DROSHA: variants seen among roughly 807,000 people sequenced by gnomAD.
DROSHA encodes drosha ribonuclease III.
In DROSHA, 56 loss-of-function variants were observed where a neutral mutation model predicts 181.9. The ratio of observed to expected loss-of-function variants is 0.31; its 90% CI spans 0.25 to 0.38. The LOEUF is 0.38. Ranked by LOEUF, DROSHA falls within the 10% of genes least tolerant of loss-of-function variation. The pLI, the probability that DROSHA is intolerant of heterozygous loss-of-function variation, is 1.00. For missense variants in DROSHA, 1,218 were observed against 1,743.5 expected (o/e 0.70, Z 5.37); for synonymous variants, 524 against 591.2 (o/e 0.89, Z 1.65).
chr5:31,403,514 T>C (rs1740294026), intron 35 of DROSHA, among the ~76,000 whole-genome samples: 1 of 152,210 alleles, frequency 6.6e-6, no homozygotes, highest in South Asian at 2.1e-4. Context: ...ATGGGTATAC[T>C]TTTTTTCACT....
At position 31,401,272 on chromosome 5, in the gene DROSHA, G is replaced by C. The variant is rs764335536; in HGVS notation, c.*160C>G. 1 of 1,025,176 alleles carries C rather than the reference G, an allele frequency of 9.8e-7. No homozygotes were observed. The highest frequency in any genetic ancestry group is 1.5e-6 in the Non-Finnish European group (1 of 677,916). The allele number at this position is 1,025,176 out of a possible 1,614,324, so 63.5% of individuals were successfully genotyped here. The stretch of plus-strand genomic sequence containing the variant: ...AATACTTTGTAATAAAGACCATCCA[G>C]CTAAAAACAGATCATTAAAACAACA... On this transcript the variant is annotated 3_prime_UTR_variant, in exon 36 of 36. Coordinates refer to ENST00000344624, the MANE Select transcript of DROSHA (RefSeq NM_001382508.1).
chr5:31,443,754 T>C (rs531726887), intron 23 of DROSHA, among the ~76,000 whole-genome samples: 2 of 152,310 alleles, frequency 1.3e-5, no homozygotes, highest in African/African-American at 4.8e-5. Context: ...AGAAAGATAC[T>C]ACCCAGCCAT....
intron 25 of DROSHA, among the ~76,000 whole-genome samples, chr5:31,432,173 C>A (rs939382492): frequency 6.6e-6 from 1 of 151,802 alleles, no homozygotes; most frequent in Non-Finnish European, 1.5e-5. Context: ...GCTCTGTCGC[C>A]CAGGCTGGAG....
chr5:31,430,948 C>T (rs1406654569), intron 26 of DROSHA, among the ~76,000 whole-genome samples: 1 of 152,112 alleles, frequency 6.6e-6, no homozygotes, highest in Non-Finnish European at 1.5e-5. Flanking sequence ...CATTGTAAAG[C>T]ATACAAACTT....
intron 9 of DROSHA, 106 bp from the exon 10 acceptor site, chr5:31,508,881 T>TG: frequency 1.5e-6 from 2 of 1,300,676 alleles, no homozygotes; most frequent in Non-Finnish European, 2.1e-6. Flanking sequence ...TGGAGTGCAG[T>TG]GCGCGATCTC....
intron 23 of DROSHA, among the ~76,000 whole-genome samples, chr5:31,444,112 G>T (rs1030220): frequency 6.6e-6 from 1 of 152,002 alleles, no homozygotes; most frequent in African/African-American, 2.4e-5. Flanking sequence ...TTACAATGAC[G>T]ATCAGCACAC....
chr5:31,446,316 G>A (rs375560802), intron 23 of DROSHA, among the ~76,000 whole-genome samples: 86 of 151,840 alleles, frequency 5.7e-4, no homozygotes, highest in African/African-American at 1.3e-3. Context: ...GTGTGGTGGC[G>A]GGCGCCTGTA....
At chr5:31,510,985 A>G in intron 9 of DROSHA, 50 bp downstream of exon 9, 1 of 1,587,784 alleles carries the variant, frequency 6.3e-7, no homozygotes, top group Non-Finnish European at 8.6e-7. Context: ...AAATTTAGGA[A>G]TGAAGCTATA....
intron 10 of DROSHA, among the ~76,000 whole-genome samples, chr5:31,506,972 G>A (rs16901235): frequency 0.021 from 3,268 of 152,210 alleles, 54 homozygotes; most frequent in South Asian, 0.099. Flanking sequence ...AGGTATCCAC[G>A]GAAATCAGTG....
At chr5:31,424,185 T>C (rs553497085) in intron 28 of DROSHA, among the ~76,000 whole-genome samples, 1 of 152,248 alleles carries the variant, frequency 6.6e-6, no homozygotes, top group East Asian at 1.9e-4. Context: ...AGCTCTTCCT[T>C]CCTCACTGAG....
intron 10 of DROSHA, 22 bp downstream of exon 10, chr5:31,508,599 G>A (rs1420789559): frequency 6.2e-7 from 1 of 1,613,808 alleles, no homozygotes. Context: ...AACCTTCACA[G>A]CAAGGGCATA....
chr5:31,438,969 A>G (rs1161075343), intron 23 of DROSHA, among the ~76,000 whole-genome samples: 3 of 152,150 alleles, frequency 2.0e-5, no homozygotes, highest in African/African-American at 7.2e-5. Context: ...GAGAAGTGGT[A>G]AGCCATGCCC....
rs772660604 is a variant in DROSHA at position 31,405,714 on chromosome 5, T to C, written c.3957A>G (p.Gln1319=). ...IGCGKGPSIQ[Q]AEMGAAMDAL... The stretch of plus-strand genomic sequence containing the variant: ...CATCCATTGCTGCTCCCATTTCCGC[T>C]TGCTGAATACTATTAAATAAAATAA... Residue 1319 remains glutamine, a synonymous_variant, in exon 35 of 36, where the codon CAA becomes CAG. Coordinates refer to ENST00000344624, the MANE Select transcript of DROSHA (RefSeq NM_001382508.1). 6.4e-7 allele frequency: 1 copy of C among 1,557,252 alleles called. No homozygotes were observed. The highest frequency in any genetic ancestry group is 1.4e-5 in the African/African-American group (1 of 72,544).
At chr5:31,498,306 T>C (rs1484504824) in intron 11 of DROSHA, among the ~76,000 whole-genome samples, 1 of 152,130 alleles carries the variant, frequency 6.6e-6, no homozygotes, top group Non-Finnish European at 1.5e-5. Flanking sequence ...GACTACAAGA[T>C]TTAAGGATCT....
chr5:31,451,833 T>C (rs1747076725), intron 20 of DROSHA, among the ~76,000 whole-genome samples, 193 bp from the exon 21 acceptor site: 1 of 152,200 alleles, frequency 6.6e-6, no homozygotes, highest in South Asian at 2.1e-4. Flanking sequence ...ATATAGTCTC[T>C]AGAATCAGAA....
chr5:31,498,119 A>G (rs1005959894), intron 11 of DROSHA, among the ~76,000 whole-genome samples: 11 of 152,214 alleles, frequency 7.2e-5, no homozygotes, highest in African/African-American at 2.7e-4. Context: ...ATCTGTGCCT[A>G]GGTGGCCTTG....
intron 27 of DROSHA, among the ~76,000 whole-genome samples, chr5:31,428,354 A>G (rs554489692): frequency 6.6e-6 from 1 of 152,272 alleles, no homozygotes; most frequent in South Asian, 2.1e-4. Flanking sequence ...AAGAGAGCAA[A>G]GAGGTTGCTG....
In DROSHA at chr5:31,401,255, G is replaced by C; in HGVS notation, c.*177C>G. 1.2e-6 allele frequency: 1 copy of C among 835,026 alleles called. No homozygotes were observed. Among genetic ancestry groups the C allele is most frequent in the Non-Finnish European group, 1.9e-6 (1 of 527,572 alleles). The allele number at this position is 835,026 out of a possible 1,614,324, so 51.7% of individuals were successfully genotyped here. A position where few individuals can be genotyped will look rare whatever the true frequency, so the allele number is the denominator to read the frequency against. On this transcript the variant is annotated 3_prime_UTR_variant, in exon 36 of 36. Transcript: ENST00000344624. ...AAATAGAAGAAAAATCTAATACTTT[G>C]TAATAAAGACCATCCAGCTAAAAAC...
chr5:31,414,789 T>C (rs1407999245), intron 30 of DROSHA, among the ~76,000 whole-genome samples: 1 of 152,190 alleles, frequency 6.6e-6, no homozygotes, highest in African/African-American at 2.4e-5. Flanking sequence ...ATGTAAAATG[T>C]TTTGGATACC....
Sources: gnomAD v4.1 joint callset for allele counts (sites outside exome capture counted in the v4.1 genomes callset) on GRCh38, gnomAD v4.1.1 for gene constraint, MANE v1.5 for transcripts, NCBI Gene and HGNC (gene_info 2026-07-23, HGNC 2026-07-21) for gene names.